MCTP1: variants seen among roughly 807,000 people sequenced by gnomAD.
MCTP1 encodes multiple C2 and transmembrane domain-containing protein 1.
In MCTP1, 69 loss-of-function variants were observed where a neutral mutation model predicts 120.6. The observed-to-expected ratio is 0.57, with a 90% CI of 0.47 to 0.70. The LOEUF (loss-of-function observed/expected upper bound fraction) is 0.70, where lower values mean the gene tolerates loss of function less well. MCTP1 is among the 30% of genes least tolerant of loss of function. The pLI, the probability that MCTP1 is intolerant of heterozygous loss-of-function variation, is 0.00. For synonymous variants in MCTP1, 529 were observed against 493.1 expected, an observed-to-expected ratio of 1.07 and a Z score of -0.96; for missense variants, 1,203 against 1,248.8, an observed-to-expected ratio of 0.96 and a Z score of 0.55.
At chr5:94,915,949 T>C (rs1809948129) in intron 8 of MCTP1, among the ~76,000 whole-genome samples, 1 of 152,098 alleles carries the variant, frequency 6.6e-6, no homozygotes, top group Admixed American at 6.6e-5. Flanking sequence ...AAGGAGAACA[T>C]TTCTTCATAA....
At chr5:95,138,971 TAC>T (rs539595702) in intron 1 of MCTP1, among the ~76,000 whole-genome samples, 1 of 152,178 alleles carries the variant, frequency 6.6e-6, no homozygotes, top group Non-Finnish European at 1.5e-5. Context: ...TATACACACA[TAC>T]ACACACACAT....
chr5:95,080,086 T>TG (rs1754538271), intron 1 of MCTP1, among the ~76,000 whole-genome samples: 1 of 152,192 alleles, frequency 6.6e-6, no homozygotes, highest in Non-Finnish European at 1.5e-5. Flanking sequence ...TTTGGAGGAA[T>TG]CTCTTTTTGC....
chr5:94,988,600 T>G (rs767503510), intron 2 of MCTP1, among the ~76,000 whole-genome samples: 5,259 of 148,726 alleles, frequency 0.035, 166 homozygotes, highest in East Asian at 0.084. Context: ...TGTGTGTGTT[T>G]TTTTTTTTTT....
intron 1 of MCTP1, among the ~76,000 whole-genome samples, chr5:95,280,390 AAC>A (rs561606081): frequency 2.6e-5 from 4 of 152,262 alleles, no homozygotes; most frequent in Non-Finnish European, 5.9e-5. Context: ...AGCATTCATA[AAC>A]ACTACATGCT....
intron 1 of MCTP1, among the ~76,000 whole-genome samples, chr5:95,125,023 T>C (rs901031576): frequency 6.6e-6 from 1 of 152,206 alleles, no homozygotes; most frequent in Non-Finnish European, 1.5e-5. Context: ...AAATAAAGTG[T>C]AATGGACTTT....
chr5:95,009,403 T>C (rs181124106), intron 2 of MCTP1, among the ~76,000 whole-genome samples: 1 of 152,072 alleles, frequency 6.6e-6, no homozygotes, highest in African/African-American at 2.4e-5. Context: ...TGCCAAAAGG[T>C]ATAGTTCCTA....
chr5:94,734,512 T>A (rs1359274293), intron 19 of MCTP1, among the ~76,000 whole-genome samples: 1 of 152,236 alleles, frequency 6.6e-6, no homozygotes, highest in East Asian at 1.9e-4. Flanking sequence ...AAGTCAGGCC[T>A]GATCTGGAAT....
intron 1 of MCTP1, chr5:95,081,742 C>T (rs1211416649): frequency 4.9e-6 from 6 of 1,226,502 alleles, no homozygotes; most frequent in Non-Finnish European, 6.1e-6. Flanking sequence ...TTTCCCATTG[C>T]AAAACTGTTA....
At chr5:94,878,982 G>C (rs1799491121) in intron 12 of MCTP1, among the ~76,000 whole-genome samples, 1 of 151,990 alleles carries the variant, frequency 6.6e-6, no homozygotes, top group African/African-American at 2.4e-5. Flanking sequence ...TAAAGGAGTA[G>C]CCAAGTAGAA....
intron 17 of MCTP1, among the ~76,000 whole-genome samples, chr5:94,819,842 T>C (rs936414113): frequency 6.6e-6 from 1 of 152,206 alleles, no homozygotes; most frequent in African/African-American, 2.4e-5. Flanking sequence ...CGTTTTCAGA[T>C]AGTTCATTCT....
intron 2 of MCTP1, among the ~76,000 whole-genome samples, chr5:94,997,433 A>G (rs1251124483): frequency 1.3e-5 from 2 of 152,220 alleles, no homozygotes; most frequent in Non-Finnish European, 2.9e-5. Context: ...CTGACTTTTC[A>G]TTTATTCTTC....
At chr5:94,814,038 A>T (rs561291889) in intron 17 of MCTP1, among the ~76,000 whole-genome samples, 1 of 152,258 alleles carries the variant, frequency 6.6e-6, no homozygotes, top group South Asian at 2.1e-4. Context: ...TGGAGGTGGG[A>T]ATGGAGAGGA....
At chr5:95,113,835 T>C (rs569583394) in intron 1 of MCTP1, among the ~76,000 whole-genome samples, 50 of 152,212 alleles carry the variant, frequency 3.3e-4, no homozygotes, top group African/African-American at 1.2e-3. Context: ...GTTCCACCTC[T>C]CCAGCAACCC....
At chr5:94,983,170 G>A (rs1321160275) in intron 2 of MCTP1, among the ~76,000 whole-genome samples, 1 of 152,066 alleles carries the variant, frequency 6.6e-6, no homozygotes, top group Non-Finnish European at 1.5e-5. Context: ...CCAGGAATGT[G>A]CTTGGACAGG....
intron 1 of MCTP1, among the ~76,000 whole-genome samples, chr5:95,118,545 A>G (rs546560847): frequency 6.6e-6 from 1 of 152,332 alleles, no homozygotes; most frequent in Admixed American, 6.5e-5. Flanking sequence ...ATTAATAATA[A>G]CATTGAACAT....
intron 1 of MCTP1, among the ~76,000 whole-genome samples, chr5:95,158,906 T>C (rs331572): frequency 0.33 from 50,400 of 152,038 alleles, 8,782 homozygotes; most frequent in East Asian, 0.59. Flanking sequence ...GGGTGATAGA[T>C]CCAGACCTTG....
chr5:94,709,467 A>G (rs1755974159), intron 21 of MCTP1: 1 of 152,108 alleles, frequency 6.6e-6, no homozygotes, highest in African/African-American at 2.4e-5. Flanking sequence ...CAGTTTCTGT[A>G]AACCTGGGAG....
chr5:94,927,126 C>G (rs1202884019), intron 6 of MCTP1, among the ~76,000 whole-genome samples: 2 of 152,142 alleles, frequency 1.3e-5, no homozygotes, highest in African/African-American at 4.8e-5. Context: ...AAAACCATCT[C>G]AACATAAAAT....
chr5:94,974,295 C>T (rs772546253), intron 2 of MCTP1, among the ~76,000 whole-genome samples: 44 of 152,158 alleles, frequency 2.9e-4, no homozygotes, highest in Non-Finnish European at 4.6e-4. Flanking sequence ...CACTTGTAAT[C>T]CAATGCTTTG....
Sources: allele counts gnomAD v4.1 joint callset (sites outside exome capture counted in the v4.1 genomes callset), GRCh38; gene constraint gnomAD v4.1.1; transcripts MANE v1.5; gene names NCBI Gene and HGNC (gene_info 2026-07-23, HGNC 2026-07-21).